LOXHD1: variants seen among roughly 807,000 people sequenced by gnomAD.
LOXHD1 encodes the protein lipoxygenase homology domain-containing protein 1.
Under a neutral mutation model 248.2 loss-of-function variants are expected in LOXHD1, and 205 were observed. The ratio of observed to expected loss-of-function variants is 0.83; its 90% CI spans 0.74 to 0.93. The LOEUF (loss-of-function observed/expected upper bound fraction) is 0.93, where lower values mean the gene tolerates loss of function less well. LOXHD1 is among the 40% of genes least tolerant of loss of function. The probability of loss-of-function intolerance (pLI) is 0.00; values close to 1 mark genes in which losing one functional copy is unlikely to be tolerated. For missense variants in LOXHD1, 2,930 were observed against 2,971.6 expected, an observed-to-expected ratio of 0.99 and a Z score of 0.33; for synonymous variants, 1,113 against 1,162.8, an observed-to-expected ratio of 0.96 and a Z score of 0.87.
Position 46,569,605 on chromosome 18 carries a change from T to G in LOXHD1, c.2081A>C (p.Asp694Ala), listed in dbSNP as rs1025417478. 3.2e-6 allele frequency: 5 copies of G among 1,551,246 alleles called. No homozygotes were observed. The highest frequency in any genetic ancestry group is 4.4e-6 in the Non-Finnish European group (5 of 1,146,842). ...AGAATCCGTGCTGGCCCCAGAGACA[T>G]CCCCAGTCTTCAAGCTGATGTGATA... ...FRYHISLKTG[D>A]VSGASTDSRV... The change falls in exon 16 of 41, where the codon GAT becomes GCT. Residue 694 changes from aspartate (D) to alanine (A), a missense_variant. By Grantham distance (126) the Asp-to-Ala change is moderately radical (BLOSUM62 -2). Coordinates refer to ENST00000642948, the MANE Select transcript of LOXHD1 (RefSeq NM_001384474.1).
chr18:46,518,963 T>C, intron 33 of LOXHD1: 1 of 985,504 alleles, frequency 1.0e-6, no homozygotes, highest in Non-Finnish European at 1.2e-6. Flanking sequence ...GTTTTGCCAT[T>C]TAGCCTGAGG....
chr18:46,606,867 ATT>A (rs2038422115), intron 6 of LOXHD1, among the ~76,000 whole-genome samples: 1 of 152,128 alleles, frequency 6.6e-6, no homozygotes, highest in Non-Finnish European at 1.5e-5. Context: ...TATTTCCATC[ATT>A]AAAAATTACA....
At chr18:46,584,707 C>T (rs1026793690) in intron 12 of LOXHD1, among the ~76,000 whole-genome samples, 1 of 152,000 alleles carries the variant, frequency 6.6e-6, no homozygotes, top group African/African-American at 2.4e-5. Context: ...GGAACATTTC[C>T]CAACTCATTT....
At chr18:46,653,063 G>T (rs528537683) in intron 1 of LOXHD1, among the ~76,000 whole-genome samples, 8 of 152,206 alleles carry the variant, frequency 5.3e-5, no homozygotes, top group Admixed American at 5.2e-4. Flanking sequence ...GCTGACCAAC[G>T]TGGTGAAACC....
In LOXHD1 at chr18:46,506,026, G is replaced by A. The variant is rs2034548592; in HGVS notation, c.5693-3C>T. ...CACGTTGGCATCAGTGCCTGCTCCT[G>A]GGGGGTGCACAAGGTGAGGCTTAGG... is the stretch of plus-strand genomic sequence containing the variant. On this transcript the variant is annotated splice_region_variant and splice_polypyrimidine_tract_variant and intron_variant, in intron 36 of 40. Transcript: ENST00000642948. The A allele has an allele frequency of 6.4e-7, 1 of 1,551,424 alleles. No homozygotes were observed.
At chr18:46,560,057 A>AC in intron 19 of LOXHD1, 26 bp downstream of exon 19, 6 of 261,644 alleles carry the variant, frequency 2.3e-5, no homozygotes, top group South Asian at 1.8e-4. Context: ...CTCCCTCCCC[A>AC]CCCCCACCCC....
chr18:46,559,414 G>A, intron 20 of LOXHD1, 34 bp downstream of exon 20: 1 of 1,551,832 alleles, frequency 6.4e-7, no homozygotes, highest in Non-Finnish European at 8.7e-7. Context: ...CAAACCCACA[G>A]CCCCCACCCA....
chr18:46,485,229 G>T lies in LOXHD1; in HGVS notation c.6050-78C>A, dbSNP rs143886050. The stretch of plus-strand genomic sequence containing the variant: ...TCAGGGCGGGAGCAAGAGGGTCACG[G>T]CCTCCGGTCCTTCATTTGATCTTAG... On this transcript the variant is annotated intron_variant, in intron 38 of 40. Coordinates refer to ENST00000642948, the MANE Select transcript of LOXHD1 (RefSeq NM_001384474.1). The T allele has an allele frequency of 1.3e-4, 200 of 1,492,682 alleles. 1 individual carries two copies. In the Middle Eastern group the frequency reaches 2.2e-3, roughly 17 times the overall value. The allele number at this position is 1,492,682 out of a possible 1,614,324, so 92.5% of individuals were successfully genotyped here. A position where few individuals can be genotyped will look rare whatever the true frequency, so the allele number is the denominator to read the frequency against.
intron 21 of LOXHD1, among the ~76,000 whole-genome samples, chr18:46,549,685 T>G (rs1453308312): frequency 6.6e-6 from 1 of 152,022 alleles, no homozygotes; most frequent in East Asian, 1.9e-4. Flanking sequence ...AGATAAAATT[T>G]AAGGGAAAAA....
chr18:46,584,131 G>A (rs1276545690), intron 12 of LOXHD1, among the ~76,000 whole-genome samples: 1 of 151,948 alleles, frequency 6.6e-6, no homozygotes, highest in Non-Finnish European at 1.5e-5. Flanking sequence ...CACCCATGTG[G>A]AATATTTTAA....
At position 46,534,435 on chromosome 18, in the gene LOXHD1, T is replaced by C. The variant is rs576432561; in HGVS notation, c.4112A>G (p.Glu1371Gly). ...GCCAATCCGAATTTTTTCAATGATT[T>C]CTCCCACATCTTCTAACTTTGGAAA... ...RFIVELEDVG[E>G]IIEKIRIGHN... is the part of the protein sequence containing the mutation. The change falls in exon 27 of 41, where the codon GAA becomes GGA. Residue 1371 changes from glutamate (E) to glycine (G), a missense_variant. By Grantham distance (98) the Glu-to-Gly change is moderately conservative. Coordinates refer to ENST00000642948, the MANE Select transcript of LOXHD1 (RefSeq NM_001384474.1). The C allele has an allele frequency of 1.3e-5, 20 of 1,551,452 alleles. No individual in the cohort carries two copies. In the African/African-American group the frequency reaches 2.6e-4, roughly 20 times the overall value.
chr18:46,566,624 G>A (rs1167746738), intron 16 of LOXHD1, among the ~76,000 whole-genome samples, 175 bp from the exon 17 acceptor site: 1 of 151,986 alleles, frequency 6.6e-6, no homozygotes, highest in Non-Finnish European at 1.5e-5. Flanking sequence ...CAGCCAGCTG[G>A]GGCACCAGGG....
At chr18:46,586,516 G>A (rs1333630073) in intron 12 of LOXHD1, among the ~76,000 whole-genome samples, 1 of 152,162 alleles carries the variant, frequency 6.6e-6, no homozygotes, top group African/African-American at 2.4e-5. Flanking sequence ...CGCGATCTCC[G>A]CTCACTGCAA....
chr18:46,560,694 A>G (rs2037508095), intron 18 of LOXHD1, 149 bp from the exon 19 acceptor site: 4 of 718,534 alleles, frequency 5.6e-6, no homozygotes, highest in Non-Finnish European at 9.0e-6. Context: ...AGATCCTTCC[A>G]CCACCTCCCT....
At chr18:46,621,422 A>T (rs1413235330) in intron 4 of LOXHD1, among the ~76,000 whole-genome samples, 1 of 152,224 alleles carries the variant, frequency 6.6e-6, no homozygotes, top group East Asian at 1.9e-4. Context: ...CCCATGGCCC[A>T]ATGCCGGCCC....
chr18:46,538,107 CCT>C, intron 26 of LOXHD1, 47 bp downstream of exon 26: 2 of 1,480,872 alleles, frequency 1.4e-6, no homozygotes, highest in Non-Finnish European at 1.8e-6. Context: ...TTCTCCTCTC[CCT>C]CTGTCTGACC....
At chr18:46,625,758 TG>T (rs2038733337) in intron 4 of LOXHD1, among the ~76,000 whole-genome samples, 1 of 152,232 alleles carries the variant, frequency 6.6e-6, no homozygotes, top group African/African-American at 2.4e-5. Flanking sequence ...CTTATCCTGC[TG>T]GTTCCTTTTC....
intron 4 of LOXHD1, among the ~76,000 whole-genome samples, chr18:46,634,348 T>G (rs1231914696): frequency 1.3e-5 from 2 of 152,352 alleles, no homozygotes; most frequent in South Asian, 4.1e-4. Context: ...ATTGTATGAT[T>G]CCACTTGTAC....
intron 18 of LOXHD1, among the ~76,000 whole-genome samples, chr18:46,562,453 C>T (rs1253870899): frequency 6.6e-6 from 1 of 152,218 alleles, no homozygotes; most frequent in Non-Finnish European, 1.5e-5. Context: ...CCTCTCTTGC[C>T]AACACCATGC....
Sources: gnomAD v4.1 joint callset for allele counts (sites outside exome capture counted in the v4.1 genomes callset) on GRCh38, gnomAD v4.1.1 for gene constraint, MANE v1.5 for transcripts, NCBI Gene and HGNC (gene_info 2026-07-23, HGNC 2026-07-21) for gene names.